GPC5: variants seen among roughly 807,000 people sequenced by gnomAD.
GPC5 encodes the protein glypican-5.
In GPC5, 47 loss-of-function variants were observed where a neutral mutation model predicts 53.9. That is an observed-to-expected ratio of 0.87 (90% confidence interval 0.69 to 1.11). The LOEUF is 1.11. Among genes scored for constraint, GPC5 ranks in the 50% most tolerant of loss-of-function variants. The probability of loss-of-function intolerance (pLI) is 0.00; values close to 1 mark genes in which losing one functional copy is unlikely to be tolerated. For missense variants in GPC5, 748 were observed against 713.1 expected (o/e 1.05, Z -0.56); for synonymous variants, 286 against 263.3 (o/e 1.09, Z -0.84).
At chr13:92,536,163 T>G (rs1228250789) in intron 7 of GPC5, among the ~76,000 whole-genome samples, 10 of 152,150 alleles carry the variant, frequency 6.6e-5, no homozygotes, top group Non-Finnish European at 7.4e-5. Flanking sequence ...TACACCAATA[T>G]GCGGTATTAT....
At chr13:92,110,341 T>C (rs922321059) in intron 6 of GPC5, among the ~76,000 whole-genome samples, 3 of 152,304 alleles carry the variant, frequency 2.0e-5, no homozygotes, top group African/African-American at 7.2e-5. Flanking sequence ...CAAGACCTTA[T>C]TAACTACCTG....
intron 7 of GPC5, among the ~76,000 whole-genome samples, chr13:92,338,626 G>A (rs1172093240): frequency 1.3e-5 from 2 of 152,062 alleles, no homozygotes; most frequent in East Asian, 3.9e-4. Context: ...TTAAAAGAAA[G>A]AAGCCAGTCT....
At chr13:92,612,185 G>A (rs1884460108) in intron 7 of GPC5, among the ~76,000 whole-genome samples, 1 of 152,068 alleles carries the variant, frequency 6.6e-6, no homozygotes, top group Admixed American at 6.6e-5. Context: ...CAATCTGAAT[G>A]CTGATAAATA....
At chr13:92,380,058 A>G (rs1157786763) in intron 7 of GPC5, among the ~76,000 whole-genome samples, 1 of 152,206 alleles carries the variant, frequency 6.6e-6, no homozygotes, top group Non-Finnish European at 1.5e-5. Context: ...ACCTAATATT[A>G]TCGTGCAGGC....
intron 6 of GPC5, among the ~76,000 whole-genome samples, chr13:92,139,785 A>G (rs1002284949): frequency 6.6e-6 from 1 of 152,168 alleles, no homozygotes; most frequent in African/African-American, 2.4e-5. Flanking sequence ...TTTCTAGAAC[A>G]TCAGGGTCTT....
At chr13:91,603,599 A>G (rs9523373) in intron 2 of GPC5, among the ~76,000 whole-genome samples, 75,574 of 152,124 alleles carry the variant, frequency 0.5, 22,656 homozygotes, top group East Asian at 0.7. Context: ...ATTTGTATGT[A>G]TAGGTTAATA....
intron 4 of GPC5, among the ~76,000 whole-genome samples, chr13:91,733,705 C>T (rs773452979): frequency 6.6e-6 from 1 of 152,130 alleles, no homozygotes; most frequent in Non-Finnish European, 1.5e-5. Context: ...GCTGAAGTTG[C>T]CTATCAGCTT....
At chr13:92,613,258 A>AAT (rs1224530483) in intron 7 of GPC5, among the ~76,000 whole-genome samples, 7 of 127,510 alleles carry the variant, frequency 5.5e-5, no homozygotes, top group East Asian at 2.1e-4. Flanking sequence ...ATTTATATAT[A>AAT]ATATATATAT....
intron 5 of GPC5, among the ~76,000 whole-genome samples, chr13:91,827,455 C>A (rs1259378393): frequency 6.6e-6 from 1 of 151,618 alleles, no homozygotes; most frequent in African/African-American, 2.4e-5. Flanking sequence ...ATATAAAGAG[C>A]TCCTACAATT....
intron 7 of GPC5, among the ~76,000 whole-genome samples, chr13:92,520,138 TAGCCTAC>T (rs1044099991): frequency 2.0e-5 from 3 of 152,208 alleles, no homozygotes; most frequent in Non-Finnish European, 4.4e-5. Context: ...CAATAATTAA[TAGCCTAC>T]CAACCAAAAA....
chr13:92,805,718 A>G (rs1223519959), intron 7 of GPC5, among the ~76,000 whole-genome samples: 4 of 152,024 alleles, frequency 2.6e-5, no homozygotes, highest in African/African-American at 9.7e-5. Context: ...GAATACAGGC[A>G]TGAGACACTG....
At chr13:91,882,908 T>A (rs919171283) in intron 5 of GPC5, among the ~76,000 whole-genome samples, 1 of 152,048 alleles carries the variant, frequency 6.6e-6, no homozygotes, top group Non-Finnish European at 1.5e-5. Flanking sequence ...AAGCTAGAGA[T>A]TGGTGGCAGT....
At chr13:92,311,918 G>A (rs1273712241) in intron 7 of GPC5, among the ~76,000 whole-genome samples, 2 of 152,104 alleles carry the variant, frequency 1.3e-5, no homozygotes, top group Admixed American at 1.3e-4. Context: ...GGCAATTCAG[G>A]CTGAATAAAA....
intron 5 of GPC5, among the ~76,000 whole-genome samples, chr13:91,852,209 G>A (rs1390859960): frequency 5.9e-5 from 9 of 151,670 alleles, no homozygotes; most frequent in African/African-American, 1.7e-4. Context: ...TACTTTAAAA[G>A]CTTTTTTCTA....
Position 91,645,838 on chromosome 13 carries a change from T to C in GPC5, c.326-47349T>C, listed in dbSNP as rs142756317. On this transcript the variant is annotated intron_variant, in intron 2 of 7. Coordinates refer to ENST00000377067, the MANE Select transcript of GPC5 (RefSeq NM_004466.6). ...GGGTCAGAGACTCTGATTCAGCATA[T>C]CTGGGGGATCCACAAATTTGCACTT... Among the ~76,000 whole-genome samples the C allele has an allele frequency of 3.2e-3, 491 of 152,278 alleles. 4 individuals are homozygous for C. The highest frequency in any genetic ancestry group is 0.011 in the African/African-American group (476 of 41,556).
intron 6 of GPC5, among the ~76,000 whole-genome samples, chr13:91,972,870 C>T (rs1258402921): frequency 6.6e-6 from 1 of 152,108 alleles, no homozygotes; most frequent in Non-Finnish European, 1.5e-5. Flanking sequence ...TTGTGGGTAA[C>T]CCTACCTTTC....
intron 2 of GPC5, among the ~76,000 whole-genome samples, chr13:91,640,973 T>C (rs2034412435): frequency 6.6e-6 from 1 of 152,160 alleles, no homozygotes; most frequent in African/African-American, 2.4e-5. Flanking sequence ...TCATGTCCTT[T>C]GCAGGGACAT....
chr13:92,628,738 C>A (rs1885139630), intron 7 of GPC5, among the ~76,000 whole-genome samples: 1 of 152,138 alleles, frequency 6.6e-6, no homozygotes, highest in Non-Finnish European at 1.5e-5. Context: ...AAACCCCTGA[C>A]TCCTTCTCCG....
chr13:92,798,058 G>A (rs547194921), intron 7 of GPC5, among the ~76,000 whole-genome samples: 13 of 151,620 alleles, frequency 8.6e-5, no homozygotes, highest in East Asian at 1.9e-4. Context: ...AAGCAGTTTC[G>A]TATTTTTCAA....
Sources: gnomAD v4.1 joint callset for allele counts (sites outside exome capture counted in the v4.1 genomes callset) on GRCh38, gnomAD v4.1.1 for gene constraint, MANE v1.5 for transcripts, NCBI Gene and HGNC (gene_info 2026-07-23, HGNC 2026-07-21) for gene names.